TRIO: variants seen among roughly 807,000 people sequenced by gnomAD.
The protein encoded by TRIO is trio Rho guanine nucleotide exchange factor.
TRIO carries 58 observed loss-of-function variants against 351.9 expected under a neutral mutation model. The observed-to-expected ratio is 0.16, with a 90% CI of 0.13 to 0.21. The LOEUF is 0.21. TRIO is among the 10% of genes least tolerant of loss of function. The probability of loss-of-function intolerance (pLI) is 1.00; values close to 1 mark genes in which losing one functional copy is unlikely to be tolerated. For synonymous variants in TRIO, 1,758 were observed against 1,595.7 expected, an observed-to-expected ratio of 1.10 and a Z score of -2.42; for missense variants, 3,201 against 4,027.8, an observed-to-expected ratio of 0.79 and a Z score of 5.56.
intron 1 of TRIO, among the ~76,000 whole-genome samples, chr5:14,187,203 G>A (rs1790175510): frequency 1.3e-5 from 2 of 152,136 alleles, no homozygotes; most frequent in African/African-American, 4.8e-5. Flanking sequence ...GTACTAAAAT[G>A]TATTATACTT....
In TRIO at chr5:14,508,489, GAAAAC is replaced by G. The variant is rs1757873272; in HGVS notation, c.*70_*74del. The G allele has an allele frequency of 2.0e-6, 3 of 1,518,944 alleles. No homozygotes were observed. The East Asian group carries it at 6.8e-5, about 34-fold the overall frequency. 94.1% of individuals were successfully genotyped at this position (1,518,944 alleles called of 1,614,324 possible). ...CAGCTGTTAATCTGAATTTTCAAGA[GAAAAC>G]AAGCAAACATAACTGATCAGCTGCC... On this transcript the variant is annotated 3_prime_UTR_variant, in exon 57 of 57. Transcript: ENST00000344204.
chr5:14,465,539 CT>C lies in TRIO; in HGVS notation c.5668-5del, dbSNP rs1561523408. 1 of 1,613,642 alleles carries C rather than the reference CT, an allele frequency of 6.2e-7. No individual in the cohort carries two copies. The highest frequency in any genetic ancestry group is 8.5e-7 in the Non-Finnish European group (1 of 1,179,708). On this transcript the variant is annotated splice_region_variant and splice_polypyrimidine_tract_variant and intron_variant, in intron 36 of 56. Coordinates refer to ENST00000344204, the MANE Select transcript of TRIO (RefSeq NM_007118.4). ...CACCCCCTCCTTTTCTTAATTTCTTCTGTAGGCCTCTTCTCGGTTATTAGTC... is the reference window on the plus strand; with the variant it reads ...CACCCCCTCCTTTTCTTAATTTCTTCGTAGGCCTCTTCTCGGTTATTAGTC...
chr5:14,210,029 G>A (rs754996843), intron 1 of TRIO, among the ~76,000 whole-genome samples: 2 of 152,186 alleles, frequency 1.3e-5, no homozygotes, highest in Non-Finnish European at 2.9e-5. Flanking sequence ...TCCTGGTGCC[G>A]TGGGAGCCCT....
At position 14,326,219 on chromosome 5, in the gene TRIO, T is replaced by C. The variant is rs549412950; in HGVS notation, c.1732-4559T>C. Among the ~76,000 whole-genome samples the C allele has an allele frequency of 8.5e-5, 13 of 152,336 alleles. No homozygotes were observed. In the East Asian group the frequency reaches 2.3e-3, roughly 27 times the overall value. On this transcript the variant is annotated intron_variant, in intron 9 of 56. Coordinates refer to ENST00000344204, the MANE Select transcript of TRIO (RefSeq NM_007118.4). ...GCACACACAGCCTTAGGTCAGGGGC[T>C]GCTTCCACAGCAGGTGCTCAGATGG...
At chr5:14,221,580 G>T (rs767946954) in intron 1 of TRIO, among the ~76,000 whole-genome samples, 3 of 152,168 alleles carry the variant, frequency 2.0e-5, no homozygotes, top group African/African-American at 4.8e-5. Flanking sequence ...TTCCAGTCTC[G>T]TGGATGACTT....
chr5:14,352,636 A>T (rs1418076820), intron 11 of TRIO, among the ~76,000 whole-genome samples: 1 of 152,148 alleles, frequency 6.6e-6, no homozygotes, highest in African/African-American at 2.4e-5. Flanking sequence ...TTTTTCTCCA[A>T]ATTGAATGAG....
Position 14,498,690 on chromosome 5 carries a change from TC to T in TRIO, c.8332+51del, listed in dbSNP as rs772486574. 5 of 1,595,560 alleles carry T rather than the reference TC, an allele frequency of 3.1e-6. No homozygotes were observed. In the Admixed American group the frequency reaches 8.4e-5, roughly 27 times the overall value. ...TACGTGACCCAGTGGGGCACGTCTT[TC>T]AGGAGTCTCCTTAAGTCCTGAGTCT... On this transcript the variant is annotated intron_variant, in intron 53 of 56. Coordinates refer to ENST00000344204, the MANE Select transcript of TRIO (RefSeq NM_007118.4).
At chr5:14,419,750 C>G (rs1749957205) in intron 33 of TRIO, 28 bp from the exon 34 acceptor site, 1 of 1,611,284 alleles carries the variant, frequency 6.2e-7, no homozygotes, top group Admixed American at 1.7e-5. Flanking sequence ...ACTGGCTGAC[C>G]TGTCCTCTCT....
At chr5:14,473,779 G>A (rs1754849660) in intron 39 of TRIO, among the ~76,000 whole-genome samples, 1 of 152,114 alleles carries the variant, frequency 6.6e-6, no homozygotes, top group Non-Finnish European at 1.5e-5. Context: ...AACAGTCCAG[G>A]GAAATAAAAT....
intron 1 of TRIO, among the ~76,000 whole-genome samples, chr5:14,250,556 C>G (rs1031366487): frequency 6.6e-6 from 1 of 152,140 alleles, no homozygotes; most frequent in Non-Finnish European, 1.5e-5. Flanking sequence ...AACCGCTTGC[C>G]TATTTATTAG....
At chr5:14,259,916 C>T (rs113019087) in intron 1 of TRIO, among the ~76,000 whole-genome samples, 2,556 of 152,122 alleles carry the variant, frequency 0.017, 26 homozygotes, top group Non-Finnish European at 0.027. Flanking sequence ...GGCCTCTGAT[C>T]GGATGAATCC....
intron 30 of TRIO, among the ~76,000 whole-genome samples, chr5:14,400,533 G>A (rs1026366725): frequency 1.3e-5 from 2 of 152,198 alleles, no homozygotes; most frequent in Admixed American, 1.3e-4. Flanking sequence ...TGGAGAATAA[G>A]CTGTTAAAAC....
At chr5:14,189,641 C>G (rs1277551788) in intron 1 of TRIO, among the ~76,000 whole-genome samples, 1 of 151,912 alleles carries the variant, frequency 6.6e-6, no homozygotes, top group Non-Finnish European at 1.5e-5. Context: ...AGTACTGTTT[C>G]TGCCAGTCTA....
At chr5:14,244,938 C>G (rs942116146) in intron 1 of TRIO, among the ~76,000 whole-genome samples, 1 of 152,144 alleles carries the variant, frequency 6.6e-6, no homozygotes, top group Non-Finnish European at 1.5e-5. Context: ...GGTATAGCCC[C>G]AGGAAAAGAG....
At position 14,507,739 on chromosome 5, in the gene TRIO, G is replaced by A. The variant is rs964688862; in HGVS notation, c.8752-141G>A. On this transcript the variant is annotated intron_variant, in intron 56 of 56. Coordinates refer to ENST00000344204, the MANE Select transcript of TRIO (RefSeq NM_007118.4). ...CTCACCCTCGGCTGCCAGCTGAGTG[G>A]TCCGGCCTGCTTTGCACATGCATGG... 1.4e-5 allele frequency: 15 copies of A among 1,074,982 alleles called. No individual in the cohort carries two copies. In the African/African-American group the frequency reaches 2.4e-4, roughly 17 times the overall value. 66.6% of individuals were successfully genotyped at this position (1,074,982 alleles called of 1,614,324 possible).
chr5:14,487,594 C>T lies in TRIO; in HGVS notation c.6966C>T (p.Gly2322=), dbSNP rs1034437746. 173 of 1,156,498 alleles carry T rather than the reference C, an allele frequency of 1.5e-4. No individual in the cohort carries two copies. Among genetic ancestry groups the T allele is most frequent in the Non-Finnish European group, 1.8e-4 (170 of 931,884 alleles). 71.6% of individuals were successfully genotyped at this position (1,156,498 alleles called of 1,614,324 possible). A position where few individuals can be genotyped will look rare whatever the true frequency, so the allele number is the denominator to read the frequency against. ...CCAGTGGCGGCAGCGGCCACAGTGG[C>T]GGCCCCAGCAGCTGCGGCGGCGCCC... is the stretch of plus-strand genomic sequence containing the variant. ...GAPSGGSGHS[G]GPSSCGGAPS... Residue 2322 remains glycine, a synonymous_variant, in exon 48 of 57, where the codon GGC becomes GGT. Transcript: ENST00000344204.
chr5:14,481,634 T>G lies in TRIO; in HGVS notation c.6465+16T>G. On this transcript the variant is annotated intron_variant, in intron 45 of 56. Coordinates refer to ENST00000344204, the MANE Select transcript of TRIO (RefSeq NM_007118.4). ...AGGATTCGACGTAATGCGGCTCTTG[T>G]TTTTTAAGAGAGCTCCTCTGCCTTC... The G allele has an allele frequency of 6.2e-7, 1 of 1,613,972 alleles. No homozygotes were observed. The highest frequency in any genetic ancestry group is 1.1e-5 in the South Asian group (1 of 91,074).
intron 27 of TRIO, among the ~76,000 whole-genome samples, chr5:14,392,935 T>TA (rs1747230048): frequency 6.6e-6 from 1 of 151,680 alleles, no homozygotes; most frequent in Non-Finnish European, 1.5e-5. Flanking sequence ...GTATCCCAGC[T>TA]ACTTGGGAGG....
Position 14,323,199 on chromosome 5 carries a change from C to A in TRIO, c.1731+6456C>A, listed in dbSNP as rs186221397. Among the ~76,000 whole-genome samples the A allele has an allele frequency of 3.9e-5, 6 of 152,230 alleles. No individual in the cohort carries two copies. The East Asian group carries it at 1.2e-3, about 29-fold the overall frequency. ...AAAGCCCACAAATGTGTGTTGAATT[C>A]TGTGTCTGTTTTATTTCACTTTTAA... is the stretch of plus-strand genomic sequence containing the variant. On this transcript the variant is annotated intron_variant, in intron 9 of 56. Transcript: ENST00000344204.
Sources: allele counts gnomAD v4.1 joint callset (sites outside exome capture counted in the v4.1 genomes callset), GRCh38; gene constraint gnomAD v4.1.1; transcripts MANE v1.5; gene names NCBI Gene and HGNC (gene_info 2026-07-23, HGNC 2026-07-21).